Variants in HS1BP3 observed in about 807,000 individuals in gnomAD.
The protein encoded by HS1BP3 is HCLS1 binding protein 3.
A neutral mutation model predicts 33.5 loss-of-function variants in HS1BP3; 32 were observed. That is an observed-to-expected ratio of 0.95 (90% CI 0.72 to 1.28). HS1BP3 has a LOEUF of 1.28. HS1BP3 is among the 50% of genes most tolerant of loss of function. The pLI is 0.00. For missense variants in HS1BP3, 486 were observed against 502.3 expected (o/e 0.97, Z 0.31); for synonymous variants, 187 against 209.2 (o/e 0.89, Z 0.92).
chr2:20,554,219 C>T, the HS1BP3 span, among the ~76,000 whole-genome samples: 2 of 152,198 alleles, frequency 1.3e-5, no homozygotes, highest in African/African-American at 4.8e-5. Context: ...AAAAGACAGT[C>T]CAGAACAAAA....
At chr2:20,593,192 G>C (rs775607535) in intron 3 of HS1BP3, among the ~76,000 whole-genome samples, 2 of 151,918 alleles carry the variant, frequency 1.3e-5, no homozygotes, top group African/African-American at 2.4e-5. Flanking sequence ...GTCAGGTTTA[G>C]TCAATTGTTT....
At chr2:20,580,259 C>T (rs139590557) in intron 5 of HS1BP3, among the ~76,000 whole-genome samples, 1,694 of 152,344 alleles carry the variant, frequency 0.011, 22 homozygotes, top group Non-Finnish European at 0.015. Flanking sequence ...TGGCTCATGC[C>T]TGTAATCCTA....
chr2:20,649,859 G>A (rs749711261), intron 1 of HS1BP3, among the ~76,000 whole-genome samples: 22 of 152,168 alleles, frequency 1.4e-4, no homozygotes, highest in African/African-American at 4.1e-4. Context: ...GCTGTGCAGC[G>A]GGGCAGGGAG....
At position 20,619,229 on chromosome 2, in the gene HS1BP3, C is replaced by A; in HGVS notation, c.937G>T (p.Asp313Tyr). The A allele has an allele frequency of 1.2e-6, 2 of 1,606,952 alleles. No homozygotes were observed. Among genetic ancestry groups the A allele is most frequent in the South Asian group, 1.1e-5 (1 of 90,054 alleles). ...TCAGCTCCCAGGTTCAGAATCTGGT[C>A]CAAGTCCTCTTCAACTCTAGGGAAC... is the stretch of plus-strand genomic sequence containing the variant. ...KELFRVEEDL[D>Y]QILNLGAEPK... Residue 313 changes from aspartate to tyrosine, a missense_variant, in exon 7 of 7, where the codon GAC becomes TAC. Transcript: ENST00000304031.
Position 20,566,601 on chromosome 2 carries a change from T to G in HS1BP3, c.303-6086A>C, listed in dbSNP as rs113451070. ...GGCCAGGGATGGAGTTTGTCACAGG[T>G]TTTTTTTTTTGTTTTTTTTTTTGAG... On this transcript the variant is annotated intron_variant, in intron 5 of 5. Coordinates refer to the HS1BP3 transcript ENST00000446825. 5.0e-3 allele frequency among the ~76,000 whole-genome samples: 707 copies of G among 140,366 alleles called. 3 individuals carry two copies. Among genetic ancestry groups the G allele is most frequent in the African/African-American group, 0.017 (611 of 34,924 alleles). The allele number at this position is 140,366 out of a possible 152,430, so 92.1% of individuals were successfully genotyped here. A position where few individuals can be genotyped will look rare whatever the true frequency, so the allele number is the denominator to read the frequency against.
intron 4 of HS1BP3, among the ~76,000 whole-genome samples, chr2:20,630,830 C>T (rs12468175): frequency 0.3 from 44,966 of 152,030 alleles, 7,151 homozygotes; most frequent in East Asian, 0.59. Flanking sequence ...CATGAAAATG[C>T]CAAGGTGTGC....
At chr2:20,645,659 C>T (rs1695497281) in intron 1 of HS1BP3, among the ~76,000 whole-genome samples, 154 bp from the exon 2 acceptor site, 1 of 152,218 alleles carries the variant, frequency 6.6e-6, no homozygotes, top group Non-Finnish European at 1.5e-5. Flanking sequence ...CCACCCATCC[C>T]GCCACACCAG....
chr2:20,579,760 G>A (rs900500693), intron 5 of HS1BP3, among the ~76,000 whole-genome samples: 1 of 152,160 alleles, frequency 6.6e-6, no homozygotes, highest in African/African-American at 2.4e-5. Flanking sequence ...CAGAAAACCT[G>A]GGTTCTGAGC....
downstream of HS1BP3, among the ~76,000 whole-genome samples, chr2:20,616,162 T>C (rs1283124290): frequency 6.6e-6 from 1 of 152,200 alleles, no homozygotes; most frequent in East Asian, 1.9e-4. Context: ...AACTCTCAGC[T>C]GCAGGCTCCT....
intron 2 of HS1BP3, among the ~76,000 whole-genome samples, chr2:20,602,397 C>A (rs1272801185): frequency 1.3e-5 from 2 of 152,026 alleles, no homozygotes; most frequent in Admixed American, 6.6e-5. Context: ...CTTTTGGTTT[C>A]ATCGCAAGAT....
intron 5 of HS1BP3, among the ~76,000 whole-genome samples, chr2:20,568,328 G>A (rs560729015): frequency 1.3e-5 from 2 of 152,266 alleles, no homozygotes; most frequent in East Asian, 1.9e-4. Context: ...GGAGCAGCAA[G>A]TGCAGAAACC....
rs2149289299 is a variant in HS1BP3, at chr2:20,618,988, C to T, written c.1178G>A (p.Ter393=). 1 of 1,612,988 alleles carries T rather than the reference C, an allele frequency of 6.2e-7. No homozygotes were observed. Among genetic ancestry groups the T allele is most frequent in the East Asian group, 2.2e-5 (1 of 44,874 alleles). ...TPAQAAPSLF[*] ...GGGCCAGGGGCCAGCATGGAAGGGT[C>T]AGAAGAGGCTGGGGGCGGCCTGGGC... is the stretch of plus-strand genomic sequence containing the variant. Residue 393 remains the stop codon, a stop_retained_variant, in exon 7 of 7, where the codon TGA becomes TAA. Coordinates refer to ENST00000304031, the MANE Select transcript of HS1BP3 (RefSeq NM_022460.4).
intron 5 of HS1BP3, among the ~76,000 whole-genome samples, chr2:20,581,969 G>A (rs1693544760): frequency 6.6e-6 from 1 of 152,228 alleles, no homozygotes; most frequent in Admixed American, 6.5e-5. Context: ...GACTCAGGAA[G>A]AGCCCAGTCC....
chr2:20,575,589 T>A (rs1693378825), intron 5 of HS1BP3, among the ~76,000 whole-genome samples: 1 of 152,206 alleles, frequency 6.6e-6, no homozygotes. Context: ...CCCCGCCACA[T>A]GCCAGGTGAG....
intron 5 of HS1BP3, among the ~76,000 whole-genome samples, chr2:20,571,513 G>C (rs1251444146): frequency 6.6e-6 from 1 of 152,188 alleles, no homozygotes; most frequent in Non-Finnish European, 1.5e-5. Context: ...TATTGCCCTG[G>C]TTCCCTCCAA....
At chr2:20,621,033 G>T (rs1694582843) in intron 6 of HS1BP3, among the ~76,000 whole-genome samples, 2 of 152,262 alleles carry the variant, frequency 1.3e-5, no homozygotes, top group African/African-American at 4.8e-5. Context: ...ATAGGGGAGA[G>T]AATTCTGAAG....
intron 4 of HS1BP3, chr2:20,636,667 T>C (rs1022992071): frequency 6.6e-6 from 1 of 152,246 alleles, no homozygotes; most frequent in Non-Finnish European, 1.5e-5. Context: ...TTGTATGAGT[T>C]CTGGGAACTT....
At chr2:20,574,827 T>C (rs1693361634) in intron 5 of HS1BP3, among the ~76,000 whole-genome samples, 1 of 152,150 alleles carries the variant, frequency 6.6e-6, no homozygotes, top group Non-Finnish European at 1.5e-5. Context: ...GCAGATCCAC[T>C]GAACTGAGCT....
intron 5 of HS1BP3, among the ~76,000 whole-genome samples, chr2:20,580,348 G>C (rs572566049): frequency 6.6e-6 from 1 of 152,128 alleles, no homozygotes; most frequent in African/African-American, 2.4e-5. Context: ...GTGAAACCTC[G>C]TCTCTACTAA....
Sources: allele counts gnomAD v4.1 joint callset (sites outside exome capture counted in the v4.1 genomes callset), GRCh38; gene constraint gnomAD v4.1.1; transcripts MANE v1.5; gene names NCBI Gene and HGNC (gene_info 2026-07-23, HGNC 2026-07-21).